SMC1B: variants seen among roughly 807,000 people sequenced by gnomAD.
SMC1B encodes the protein structural maintenance of chromosomes protein 1B.
SMC1B carries 60 observed loss-of-function variants against 157.9 expected under a neutral mutation model. The ratio of observed to expected loss-of-function variants is 0.38; its 90% CI spans 0.31 to 0.47. The LOEUF (loss-of-function observed/expected upper bound fraction) is 0.47, where lower values mean the gene tolerates loss of function less well. Among genes scored for constraint, SMC1B ranks in the 20% least tolerant of loss-of-function variants. The pLI is 0.99. For missense variants in SMC1B, 1,165 were observed against 1,426.2 expected (o/e 0.82, Z 2.95); for synonymous variants, 445 against 483.0 (o/e 0.92, Z 1.03).
intron 12 of SMC1B, among the ~76,000 whole-genome samples, chr22:45,379,333 T>A (rs1012617832): frequency 1.3e-4 from 20 of 152,340 alleles, no homozygotes; most frequent in African/African-American, 4.1e-4. Context: ...TAACACTCAC[T>A]TTTTAAATCT....
intron 16 of SMC1B, among the ~76,000 whole-genome samples, chr22:45,362,443 G>A (rs1472550110): frequency 6.6e-6 from 1 of 152,064 alleles, no homozygotes; most frequent in Non-Finnish European, 1.5e-5. Flanking sequence ...GCTCTTCACT[G>A]CCTACCTCCC....
intron 12 of SMC1B, among the ~76,000 whole-genome samples, chr22:45,374,090 GTTTTTTTTTTTT>G (rs35971057): frequency 2.3e-5 from 2 of 85,514 alleles, no homozygotes; most frequent in East Asian, 3.8e-4. Flanking sequence ...AACAAAGACG[GTTTTTTTTTTTT>G]TTTTTTTTTT....
intron 14 of SMC1B, 61 bp from the exon 15 acceptor site, chr22:45,370,121 AAT>A (rs2086817123): frequency 3.1e-6 from 3 of 981,718 alleles, no homozygotes; most frequent in Non-Finnish European, 4.4e-6. Context: ...TATAATCTTA[AAT>A]ATGTTTTTCC....
rs552038721 is a variant in SMC1B at position 45,405,680 on chromosome 22, G to T, written c.615+780C>A. On this transcript the variant is annotated intron_variant, in intron 4 of 24. Coordinates refer to ENST00000357450, the MANE Select transcript of SMC1B (RefSeq NM_148674.5). ...GTACTATATTAGGCATTTTGAAGGG[G>T]CCCAAGAAATGTATAGAAGTACATT... is the stretch of plus-strand genomic sequence containing the variant. 1.7e-4 allele frequency among the ~76,000 whole-genome samples: 26 copies of T among 152,270 alleles called. No individual in the cohort carries two copies. In the South Asian group the frequency reaches 5.4e-3, roughly 32 times the overall value.
chr22:45,357,624 A>G (rs1227911020), intron 19 of SMC1B, among the ~76,000 whole-genome samples: 1 of 124,402 alleles, frequency 8.0e-6, no homozygotes, highest in Non-Finnish European at 2.0e-5. Flanking sequence ...GTAACCACAG[A>G]AACTTTTCTT....
intron 18 of SMC1B, among the ~76,000 whole-genome samples, chr22:45,359,266 C>A (rs1362486278): frequency 6.6e-6 from 1 of 152,122 alleles, no homozygotes; most frequent in African/African-American, 2.4e-5. Flanking sequence ...GATTGTACTT[C>A]CAGCCAATCT....
chr22:45,386,820 T>C (rs1481701742), intron 11 of SMC1B, 47 bp downstream of exon 11: 1 of 1,533,608 alleles, frequency 6.5e-7, no homozygotes, highest in Non-Finnish European at 8.9e-7. Flanking sequence ...GTCTTATAAA[T>C]ACTACTTCAA....
intron 8 of SMC1B, 83 bp from the exon 9 acceptor site, chr22:45,393,924 T>C (rs2087091671): frequency 3.2e-6 from 3 of 928,362 alleles, no homozygotes; most frequent in Non-Finnish European, 4.9e-6. Flanking sequence ...CTGTCTGGCA[T>C]TGCAGGGGAA....
chr22:45,391,325 T>A (rs897753265), intron 9 of SMC1B, among the ~76,000 whole-genome samples: 9 of 152,228 alleles, frequency 5.9e-5, no homozygotes, highest in Non-Finnish European at 1.0e-4. Flanking sequence ...CAGCTTACAT[T>A]TTCCTTTTTA....
intron 8 of SMC1B, 108 bp downstream of exon 8, chr22:45,394,577 C>T (rs2087101323): frequency 4.8e-6 from 6 of 1,255,626 alleles, no homozygotes; most frequent in East Asian, 6.7e-5. Context: ...TTGAGGCTAC[C>T]GTAAGCCATG....
In SMC1B at chr22:45,399,147, A is replaced by G; in HGVS notation, c.1061T>C (p.Ile354Thr). 3 of 1,613,906 alleles carry G rather than the reference A, an allele frequency of 1.9e-6. No individual in the cohort carries two copies. Among genetic ancestry groups the G allele is most frequent in the Non-Finnish European group, 2.5e-6 (3 of 1,179,966 alleles). ...DAAWRSFEKQIEEEILHKKRD... is the reference protein window; with the variant it reads ...DAAWRSFEKQTEEEILHKKRD... ...CTTTTTATGTAAAATTTCTTCCTCA[A>G]TCTGCTTTTCAAAACTTCTCCATGC... The change falls in exon 6 of 25, where the codon ATT (isoleucine) becomes ACT (threonine). Residue 354 changes from isoleucine to threonine, a missense_variant. By Grantham distance (89) the Ile-to-Thr change is moderately conservative. Transcript: ENST00000357450.
At chr22:45,371,272 T>C (rs1041389251) in intron 14 of SMC1B, among the ~76,000 whole-genome samples, 199 bp downstream of exon 14, 4 of 152,222 alleles carry the variant, frequency 2.6e-5, no homozygotes, top group Non-Finnish European at 5.9e-5. Flanking sequence ...TCATTGTCTC[T>C]TGAGGTGAGC....
chr22:45,405,039 C>T (rs566198828), intron 4 of SMC1B, among the ~76,000 whole-genome samples: 20 of 152,246 alleles, frequency 1.3e-4, no homozygotes, highest in Admixed American at 1.1e-3. Context: ...GAGGAATGAA[C>T]AGTAAATGCC....
chr22:45,361,857 T>C lies in SMC1B; in HGVS notation c.2690A>G (p.Lys897Arg). ...TAATTACCTATCAACAGCCAGAAAC[T>C]TCTTCCGTTCCTCTTCAATTTGAGT... Reference protein sequence around the residue: ...VQTQIEEERKKFLAVDREVGK... With the variant: ...VQTQIEEERKRFLAVDREVGK... Residue 897 changes from lysine (K) to arginine (R), a missense_variant, in exon 17 of 25, where the codon AAG becomes AGG. By Grantham distance (26) the Lys-to-Arg change is conservative. Transcript: ENST00000357450. The C allele has an allele frequency of 6.2e-7, 1 of 1,614,032 alleles. No individual in the cohort carries two copies. The highest frequency in any genetic ancestry group is 8.5e-7 in the Non-Finnish European group (1 of 1,179,970).
intron 15 of SMC1B, among the ~76,000 whole-genome samples, chr22:45,363,592 G>A (rs2084645873): frequency 6.6e-6 from 1 of 152,048 alleles, no homozygotes; most frequent in African/African-American, 2.4e-5. Flanking sequence ...GAGGTGGTAA[G>A]AACTGCTTGA....
chr22:45,361,297 T>C (rs141327661), intron 17 of SMC1B, among the ~76,000 whole-genome samples: 118 of 152,308 alleles, frequency 7.7e-4, no homozygotes, highest in African/African-American at 2.8e-3. Flanking sequence ...TACAGGTTCA[T>C]GTTTTCATCC....
intron 9 of SMC1B, 114 bp from the exon 10 acceptor site, chr22:45,390,011 C>T (rs1379831323): frequency 2.5e-6 from 2 of 802,010 alleles, no homozygotes; most frequent in Admixed American, 5.8e-5. Flanking sequence ...TATAAAATTA[C>T]ATACATCATA....
chr22:45,348,452 T>C (rs1569171273), intron 23 of SMC1B, among the ~76,000 whole-genome samples: 1 of 152,098 alleles, frequency 6.6e-6, no homozygotes, highest in Non-Finnish European at 1.5e-5. Context: ...ATATAAAAAC[T>C]GGGAAGGTAG....
Position 45,406,441 on chromosome 22 carries a change from C to T in SMC1B, c.615+19G>A. Reference sequence around the variant, plus strand: ...TTTTATATCCAACAACTAATGGTTACATCTTCATGACATCTTACCTCTTCC... The same window carrying T: ...TTTTATATCCAACAACTAATGGTTATATCTTCATGACATCTTACCTCTTCC... On this transcript the variant is annotated intron_variant, in intron 4 of 24. Coordinates refer to ENST00000357450, the MANE Select transcript of SMC1B (RefSeq NM_148674.5). The T allele has an allele frequency of 6.3e-7, 1 of 1,593,910 alleles. No homozygotes were observed. The highest frequency in any genetic ancestry group is 1.4e-5 in the African/African-American group (1 of 73,878).
Sources: allele counts gnomAD v4.1 joint callset (sites outside exome capture counted in the v4.1 genomes callset), GRCh38; gene constraint gnomAD v4.1.1; transcripts MANE v1.5; gene names NCBI Gene and HGNC (gene_info 2026-07-23, HGNC 2026-07-21).